Variants in GALNT12 observed in about 807,000 individuals in gnomAD.
GALNT12 encodes UDP-GalNAc:polypeptide N-acetylgalactosaminyltransferase 12.
A neutral mutation model predicts 55.5 loss-of-function variants in GALNT12; 45 were observed. That is an observed-to-expected ratio of 0.81 (90% CI 0.64 to 1.04). The LOEUF (loss-of-function observed/expected upper bound fraction) is 1.04. Ranked by LOEUF, GALNT12 falls within the 50% of genes least tolerant of loss-of-function variation. The probability of loss-of-function intolerance (pLI) is 0.00; values close to 1 mark genes in which losing one functional copy is unlikely to be tolerated. For missense variants in GALNT12, 709 were observed against 754.8 expected, an observed-to-expected ratio of 0.94 and a Z score of 0.71; for synonymous variants, 304 against 312.2, an observed-to-expected ratio of 0.97 and a Z score of 0.28.
rs781089454 is a variant in GALNT12, at chr9:98,807,910, C to T, written c.212C>T (p.Pro71Leu). ...CCGGTCATGCCGCGGCCGCCGGTGC[C>T]GGCGAACGCGCTGGGCGCGCGGGGC... is the stretch of plus-strand genomic sequence containing the variant. ...REPVMPRPPV[P>L]ANALGARGEA... Residue 71 changes from proline to leucine, a missense_variant, in exon 1 of 10, where the codon CCG (proline) becomes CTG (leucine). This residue lies in a region of GALNT12 where 110 missense variants were observed against 102.2 expected (regional missense o/e 1.08). Transcript: ENST00000375011. 3.0e-5 allele frequency: 36 copies of T among 1,206,158 alleles called. No homozygotes were observed. In the African/African-American group the frequency reaches 5.1e-4, roughly 17 times the overall value. 74.7% of individuals were successfully genotyped at this position (1,206,158 alleles called of 1,614,324 possible).
At position 98,831,877 on chromosome 9, in the gene GALNT12, C is replaced by A. The variant is rs754951224; in HGVS notation, c.837C>A (p.Phe279Leu). The A allele has an allele frequency of 6.2e-7, 1 of 1,614,100 alleles. No homozygotes were observed. Among genetic ancestry groups the A allele is most frequent in the East Asian group, 2.2e-5 (1 of 44,862 alleles). The change falls in exon 4 of 10, where the codon TTC becomes TTA. Residue 279 changes from phenylalanine to leucine, a missense_variant. Around this residue, in one of 5 missense-constraint regions of GALNT12, gnomAD observed 315 missense variants for 288.6 expected, o/e 1.09. Transcript: ENST00000375011. ...GNSGEPQIGG[F>L]DWRLVFTWHT... ...CCGGGGAGCCCCAGATCGGCGGTTT[C>A]GACTGGAGGCTGGTGTTCACGTGGC...
chr9:98,832,279 G>C (rs1477404438), intron 4 of GALNT12, among the ~76,000 whole-genome samples: 1 of 152,094 alleles, frequency 6.6e-6, no homozygotes, highest in Non-Finnish European at 1.5e-5. Context: ...CAGTACTTTG[G>C]GAAGCCAAGG....
chr9:98,808,129 A>C, intron 1 of GALNT12, 60 bp downstream of exon 1: 17 of 1,394,560 alleles, frequency 1.2e-5, no homozygotes, highest in Non-Finnish European at 1.6e-5. Flanking sequence ...CAGTTTCTCC[A>C]TCAGAGCAGT....
At chr9:98,830,268 C>G (rs190669076) in intron 3 of GALNT12, among the ~76,000 whole-genome samples, 3 of 152,304 alleles carry the variant, frequency 2.0e-5, no homozygotes, top group African/African-American at 7.2e-5. Context: ...TAAGGTGGCC[C>G]CAGACAGGAG....
intron 1 of GALNT12, among the ~76,000 whole-genome samples, chr9:98,821,273 G>T (rs12341538): frequency 6.6e-6 from 1 of 151,870 alleles, no homozygotes; most frequent in African/African-American, 2.4e-5. Flanking sequence ...GCCTCTGAAA[G>T]TGCTGGGATT....
At chr9:98,838,291 A>G (rs542960823) in intron 6 of GALNT12, among the ~76,000 whole-genome samples, 1 of 152,154 alleles carries the variant, frequency 6.6e-6, no homozygotes, top group South Asian at 2.1e-4. Flanking sequence ...TGGTCATGGA[A>G]ACCCCCCCAC....
Position 98,849,133 on chromosome 9 carries a change from G to T in GALNT12, c.*41G>T. ...GGAGCCCATCGAAGGAGACTGTGGAGCCAGGACTCTGCCCAACAAAGACTT... is the reference window on the plus strand; with the variant it reads ...GGAGCCCATCGAAGGAGACTGTGGATCCAGGACTCTGCCCAACAAAGACTT... On this transcript the variant is annotated 3_prime_UTR_variant, in exon 10 of 10. Coordinates refer to ENST00000375011, the MANE Select transcript of GALNT12 (RefSeq NM_024642.5). 1 of 1,610,300 alleles carries T rather than the reference G, an allele frequency of 6.2e-7. No homozygotes were observed. Among genetic ancestry groups the T allele is most frequent in the Non-Finnish European group, 8.5e-7 (1 of 1,176,906 alleles).
At chr9:98,810,463 C>T (rs1835471215) in intron 1 of GALNT12, among the ~76,000 whole-genome samples, 1 of 152,136 alleles carries the variant, frequency 6.6e-6, no homozygotes, top group South Asian at 2.1e-4. Flanking sequence ...TGTTGGCATG[C>T]ACAGAGAAAC....
rs563124146 is a variant in GALNT12 at position 98,849,800 on chromosome 9, C to A, written c.*708C>A. 9 of 389,878 alleles carry A rather than the reference C, an allele frequency of 2.3e-5. No individual in the cohort carries two copies. Among genetic ancestry groups the A allele is most frequent in the African/African-American group, 1.9e-4 (9 of 48,626 alleles). The allele number at this position is 389,878 out of a possible 1,614,324, so 24.2% of individuals were successfully genotyped here. A position where few individuals can be genotyped will look rare whatever the true frequency, so the allele number is the denominator to read the frequency against. ...CTAACAATGCCGCACTGTAGTGTGG[C>A]TGGTTCTACCACTATGACTTTAAAA... On this transcript the variant is annotated 3_prime_UTR_variant, in exon 10 of 10. Coordinates refer to ENST00000375011, the MANE Select transcript of GALNT12 (RefSeq NM_024642.5).
intron 7 of GALNT12, among the ~76,000 whole-genome samples, chr9:98,841,322 C>G (rs1836280237): frequency 6.6e-6 from 1 of 152,116 alleles, no homozygotes; most frequent in South Asian, 2.1e-4. Flanking sequence ...ACCTTTTTGG[C>G]AAGAACACTT....
rs1314330994 is a variant in GALNT12, at chr9:98,812,484, G to C, written c.371+4415G>C. ...TGGGTGTCTGTAGTCCCAGCTACTTGGGAGGCTGAGGCAGGAGAATTACTT... is the reference window on the plus strand; with the variant it reads ...TGGGTGTCTGTAGTCCCAGCTACTTCGGAGGCTGAGGCAGGAGAATTACTT... On this transcript the variant is annotated intron_variant, in intron 1 of 9. Coordinates refer to ENST00000375011, the MANE Select transcript of GALNT12 (RefSeq NM_024642.5). Among the ~76,000 whole-genome samples, 5 of 152,184 alleles carry C rather than the reference G, an allele frequency of 3.3e-5. No individual in the cohort carries two copies. The East Asian group carries it at 9.6e-4, about 29-fold the overall frequency.
intron 8 of GALNT12, among the ~76,000 whole-genome samples, chr9:98,844,995 C>A (rs1381198710): frequency 6.6e-6 from 1 of 152,126 alleles, no homozygotes; most frequent in Non-Finnish European, 1.5e-5. Flanking sequence ...GTTGTTTTTT[C>A]CAATCTGGAT....
chr9:98,811,703 G>C (rs774627342), intron 1 of GALNT12, among the ~76,000 whole-genome samples: 3 of 122,352 alleles, frequency 2.5e-5, no homozygotes, highest in Non-Finnish European at 3.4e-5. Context: ...TTTTTTTTGA[G>C]ATGGAGTCTT....
At position 98,831,935 on chromosome 9, in the gene GALNT12, CA is replaced by C; in HGVS notation, c.897del (p.Gln299HisfsTer19). On this transcript the variant is annotated frameshift_variant, in exon 4 of 10. Coordinates refer to ENST00000375011, the MANE Select transcript of GALNT12 (RefSeq NM_024642.5). LOFTEE classifies it high-confidence loss of function. ...TCCTGAGAGGGAGAGGATACGGATG[CA>C]ATCCCCCGTCGATGTCATCAGGTCA... ...TVPERERIRM[Q>X]SPVDVIRSPT... The C allele has an allele frequency of 6.2e-7, 1 of 1,613,958 alleles. No homozygotes were observed. Among genetic ancestry groups the C allele is most frequent in the Non-Finnish European group, 8.5e-7 (1 of 1,179,922 alleles).
intron 6 of GALNT12, among the ~76,000 whole-genome samples, chr9:98,837,770 G>A (rs529255635): frequency 6.6e-6 from 1 of 152,252 alleles, no homozygotes; most frequent in African/African-American, 2.4e-5. Flanking sequence ...ACAAGAAGGC[G>A]GTGTGTGCCC....
intron 1 of GALNT12, 97 bp downstream of exon 1, chr9:98,808,166 G>C: frequency 7.2e-6 from 7 of 966,686 alleles, no homozygotes; most frequent in South Asian, 1.5e-5. Flanking sequence ...GGGGTCTCCA[G>C]GATGGCGCGT....
At position 98,814,428 on chromosome 9, in the gene GALNT12, G is replaced by A. The variant is rs375601205; in HGVS notation, c.371+6359G>A. 2.4e-4 allele frequency among the ~76,000 whole-genome samples: 37 copies of A among 152,256 alleles called. No individual in the cohort carries two copies. In the East Asian group the frequency reaches 4.4e-3, roughly 18 times the overall value. ...TAAAGATAAAAGAAGATCAGGAGGGGCTGGGTGCAGTGGGTCATGCCTGTA... is the reference window on the plus strand; with the variant it reads ...TAAAGATAAAAGAAGATCAGGAGGGACTGGGTGCAGTGGGTCATGCCTGTA... On this transcript the variant is annotated intron_variant, in intron 1 of 9. Transcript: ENST00000375011.
chr9:98,839,883 A>T (rs1836244103), intron 6 of GALNT12, 119 bp from the exon 7 acceptor site: 1 of 1,225,638 alleles, frequency 8.2e-7, no homozygotes, highest in African/African-American at 1.5e-5. Flanking sequence ...AGGGCCTGGC[A>T]TGCGACGAAT....
At chr9:98,825,798 G>A (rs1835843062) in intron 2 of GALNT12, among the ~76,000 whole-genome samples, 1 of 151,890 alleles carries the variant, frequency 6.6e-6, no homozygotes, top group African/African-American at 2.4e-5. Flanking sequence ...AGCATAGGAA[G>A]ACCCTATGTC....
Sources: gnomAD v4.1 joint callset for allele counts (sites outside exome capture counted in the v4.1 genomes callset) on GRCh38, gnomAD v4.1.1 for gene constraint, gnomAD v4.1.1 regional missense constraint, MANE v1.5 for transcripts, NCBI Gene and HGNC (gene_info 2026-07-23, HGNC 2026-07-21) for gene names.